AP3D1: variants seen among roughly 807,000 people sequenced by gnomAD.
AP3D1 encodes the protein AP-3 complex subunit delta-1.
Under a neutral mutation model 147.6 loss-of-function variants are expected in AP3D1, and 51 were observed. That is an observed-to-expected ratio of 0.35 (90% CI 0.28 to 0.44). AP3D1 has a LOEUF of 0.44. AP3D1 is among the 20% of genes least tolerant of loss of function. The pLI is 1.00. For synonymous variants in AP3D1, 760 were observed against 663.0 expected (o/e 1.15, Z -2.25); for missense variants, 1,421 against 1,624.2 (o/e 0.87, Z 2.15).
chr19:2,130,042 C>A (rs541909134), intron 6 of AP3D1, among the ~76,000 whole-genome samples: 10 of 152,236 alleles, frequency 6.6e-5, no homozygotes, highest in African/African-American at 2.4e-4. Flanking sequence ...CACAAATACA[C>A]AACAGCTACA....
intron 6 of AP3D1, 152 bp from the exon 7 acceptor site, chr19:2,129,609 A>T: frequency 2.1e-6 from 2 of 950,874 alleles, no homozygotes; most frequent in Non-Finnish European, 1.5e-6. Flanking sequence ...TGACAGGGAC[A>T]GCAGCCACAG....
chr19:2,164,094 C>A, intron 1 of AP3D1: 1 of 149,298 alleles, frequency 6.7e-6, no homozygotes, highest in South Asian at 1.9e-4. Flanking sequence ...CCTCCCGCCC[C>A]TCCCTCCCGC....
intron 17 of AP3D1, 31 bp downstream of exon 17, chr19:2,116,574 G>A (rs768352763): frequency 1.9e-6 from 3 of 1,548,272 alleles, no homozygotes; most frequent in East Asian, 2.3e-5. Context: ...GGGAGGAGAC[G>A]AGGGCTCGCC....
At position 2,113,404 on chromosome 19, in the gene AP3D1, G is replaced by C. The variant is rs2145031025; in HGVS notation, c.2611C>G (p.Leu871Val). Reference protein sequence around the residue: ...KKEKEKKAEDLDFWLSTTPPP... With the variant: ...KKEKEKKAEDVDFWLSTTPPP... ...GGGGTGGTAGACAGCCAGAAGTCCA[G>C]GTCCTCAGCCTGAAACCACAAGACA... The change falls in exon 23 of 32, where the codon CTG becomes GTG. Residue 871 changes from leucine (L) to valine (V), a missense_variant. Leu to Val is a conservative substitution (Grantham distance 32). This residue lies in a region of AP3D1 where 791 missense variants were observed against 761.4 expected (regional missense o/e 1.04). Transcript: ENST00000643116. 1 of 1,474,928 alleles carries C rather than the reference G, an allele frequency of 6.8e-7. No homozygotes were observed. Among genetic ancestry groups the C allele is most frequent in the East Asian group, 2.6e-5 (1 of 38,878 alleles). 91.4% of individuals were successfully genotyped at this position (1,474,928 alleles called of 1,614,324 possible). A position where few individuals can be genotyped will look rare whatever the true frequency, so the allele number is the denominator to read the frequency against.
chr19:2,162,449 T>A (rs2019727401), intron 1 of AP3D1, among the ~76,000 whole-genome samples: 1 of 150,158 alleles, frequency 6.7e-6, no homozygotes, highest in African/African-American at 2.4e-5. Flanking sequence ...GAGTTTGAGA[T>A]TAGGAGTTAG....
chr19:2,143,493 G>A lies in AP3D1; in HGVS notation c.97-4779C>T, dbSNP rs554819593. Among the ~76,000 whole-genome samples, 17 of 151,770 alleles carry A rather than the reference G, an allele frequency of 1.1e-4. No homozygotes were observed. The South Asian group carries it at 3.5e-3, about 32-fold the overall frequency. On this transcript the variant is annotated intron_variant, in intron 1 of 31. Coordinates refer to ENST00000643116, the MANE Select transcript of AP3D1 (RefSeq NM_001261826.3). The stretch of plus-strand genomic sequence containing the variant: ...CTGACCTTGTGATCCGCCCACCTTG[G>A]CCTCTCAAAGTGCTGGGATTACAGG...
At chr19:2,111,956 AC>A in intron 24 of AP3D1, 128 bp from the exon 25 acceptor site, 1 of 1,431,416 alleles carries the variant, frequency 7.0e-7, no homozygotes, top group Non-Finnish European at 9.5e-7. Flanking sequence ...GGATGGCAGG[AC>A]CAGCCACGCC....
Position 2,151,387 on chromosome 19 carries a change from G to T in AP3D1, c.-53C>A. The T allele has an allele frequency of 7.6e-7, 1 of 1,307,418 alleles. No individual in the cohort carries two copies. 81.0% of individuals were successfully genotyped at this position (1,307,418 alleles called of 1,614,324 possible). ...GGAGGCCCGCGGCTGGGCGCCGTGA[G>T]GGGGCCCGGGGCCCGTGCCTGCCGC... On this transcript the variant is annotated 5_prime_UTR_variant, in exon 1 of 32. Transcript: ENST00000643116.
intron 1 of AP3D1, among the ~76,000 whole-genome samples, chr19:2,161,391 A>G (rs2019697217): frequency 6.6e-6 from 1 of 151,598 alleles, no homozygotes; most frequent in Admixed American, 6.6e-5. Flanking sequence ...CGAACTCCTG[A>G]CCTCAGGTGA....
intron 23 of AP3D1, 31 bp from the exon 24 acceptor site, chr19:2,112,998 TG>T: frequency 6.4e-7 from 1 of 1,569,926 alleles, no homozygotes. Flanking sequence ...GGGCTCATGC[TG>T]GGCAATGAGG....
chr19:2,161,145 G>A (rs2019693712), intron 1 of AP3D1, among the ~76,000 whole-genome samples: 2 of 150,538 alleles, frequency 1.3e-5, no homozygotes, highest in South Asian at 2.1e-4. Context: ...CCCATCAGGA[G>A]CTTCTCCTAG....
chr19:2,129,670 A>G (rs1002979913), intron 6 of AP3D1, among the ~76,000 whole-genome samples: 2 of 152,204 alleles, frequency 1.3e-5, no homozygotes, highest in Non-Finnish European at 2.9e-5. Flanking sequence ...GGCGCTGAGA[A>G]AGCATTGCTC....
rs187602190 is a variant in AP3D1 at position 2,137,684 on chromosome 19, A to C, written c.273+43T>G. ...GCCAGTCACGGTGCCTCACACCTGT[A>C]ATCACTCCCCACCCCACCAGCCTTG... On this transcript the variant is annotated intron_variant, in intron 3 of 31. Transcript: ENST00000643116. 3.9e-6 allele frequency: 6 copies of C among 1,558,250 alleles called. No individual in the cohort carries two copies. In the Admixed American group the frequency reaches 1.0e-4, roughly 26 times the overall value.
chr19:2,111,837 AGAG>A lies in AP3D1; in HGVS notation c.2788-12_2788-10del. On this transcript the variant is annotated splice_polypyrimidine_tract_variant and intron_variant, in intron 24 of 31. Coordinates refer to ENST00000643116, the MANE Select transcript of AP3D1 (RefSeq NM_001261826.3). ...TTAGGCTTGGGAGATTTCTGGAGCA[AGAG>A]GAGGGTCGGGTTCAGTGCCCAGGCT... 3 of 1,613,508 alleles carry A rather than the reference AGAG, an allele frequency of 1.9e-6. No individual in the cohort carries two copies. Among genetic ancestry groups the A allele is most frequent in the Non-Finnish European group, 2.5e-6 (3 of 1,179,944 alleles).
At chr19:2,114,648 C>T in intron 21 of AP3D1, 100 bp downstream of exon 21, 1 of 550,386 alleles carries the variant, frequency 1.8e-6, no homozygotes, top group Non-Finnish European at 3.4e-6. Flanking sequence ...CCCCAGCCTG[C>T]CCACCCTGCA....
In AP3D1 at chr19:2,118,506, AG is replaced by A. The variant is rs879586533; in HGVS notation, c.1713+94del. ...AAGAATCTCAGTGAGTGGCTTCGGA[AG>A]AGGAAGCGAGGCCCCGTCGACCTGG... On this transcript the variant is annotated intron_variant, in intron 15 of 31. Transcript: ENST00000643116. 3.5e-5 allele frequency: 41 copies of A among 1,184,392 alleles called. No individual in the cohort carries two copies. In the African/African-American group the frequency reaches 5.8e-4, roughly 17 times the overall value. The allele number at this position is 1,184,392 out of a possible 1,614,324, so 73.4% of individuals were successfully genotyped here.
chr19:2,142,740 T>C (rs2019254286), intron 1 of AP3D1, among the ~76,000 whole-genome samples: 1 of 149,210 alleles, frequency 6.7e-6, no homozygotes, highest in Admixed American at 6.7e-5. Context: ...ATGGGGGCTC[T>C]GAGGGGTTTT....
chr19:2,146,308 T>A (rs1256588426), intron 1 of AP3D1, among the ~76,000 whole-genome samples: 1 of 152,110 alleles, frequency 6.6e-6, no homozygotes, highest in Non-Finnish European at 1.5e-5. Flanking sequence ...ATTACCATAA[T>A]AATTAGCTGT....
intron 1 of AP3D1, among the ~76,000 whole-genome samples, chr19:2,143,512 T>C (rs925886995): frequency 1.3e-5 from 2 of 151,766 alleles, no homozygotes; most frequent in African/African-American, 4.8e-5. Context: ...AGTGCTGGGA[T>C]TACAGGCGTG....
Sources: gnomAD v4.1 joint callset for allele counts (sites outside exome capture counted in the v4.1 genomes callset) on GRCh38, gnomAD v4.1.1 for gene constraint, gnomAD v4.1.1 regional missense constraint, MANE v1.5 for transcripts, NCBI Gene and HGNC (gene_info 2026-07-23, HGNC 2026-07-21) for gene names.